WDR25: variants seen among roughly 807,000 people sequenced by gnomAD.
The protein encoded by WDR25 is WD repeat domain 25, also known as WD repeat-containing protein 25.
In WDR25, 35 loss-of-function variants were observed where a neutral mutation model predicts 47.7. The ratio of observed to expected loss-of-function variants is 0.73; its 90% CI spans 0.56 to 0.97. The LOEUF is 0.97. Among genes scored for constraint, WDR25 ranks in the 50% least tolerant of loss-of-function variants. The pLI is 0.00. For missense variants in WDR25, 634 were observed against 704.7 expected, an observed-to-expected ratio of 0.90 and a Z score of 1.14; for synonymous variants, 248 against 278.9, an observed-to-expected ratio of 0.89 and a Z score of 1.10.
intron 3 of WDR25, chr14:100,481,007 A>AGACT (rs1900178666): frequency 6.9e-6 from 3 of 437,572 alleles, no homozygotes; most frequent in Non-Finnish European, 1.4e-5. Flanking sequence ...GCCCAAGAGG[A>AGACT]GACTGGTGCA....
chr14:100,433,137 A>G (rs1246773988), intron 2 of WDR25, among the ~76,000 whole-genome samples: 1 of 152,242 alleles, frequency 6.6e-6, no homozygotes, highest in African/African-American at 2.4e-5. Context: ...TATTTTGTCA[A>G]CTGTCCCAAA....
chr14:100,414,124 T>C (rs1449579501), intron 2 of WDR25, among the ~76,000 whole-genome samples: 1 of 151,326 alleles, frequency 6.6e-6, no homozygotes, highest in Non-Finnish European at 1.5e-5. Context: ...GCCTCCCTAG[T>C]AGCTGGGACT....
chr14:100,441,606 G>T (rs547093000), intron 2 of WDR25, among the ~76,000 whole-genome samples: 1 of 152,284 alleles, frequency 6.6e-6, no homozygotes, highest in Admixed American at 6.5e-5. Context: ...ATGGGCTGGG[G>T]GCCACATGGA....
At chr14:100,379,379 T>TC (rs1476142320) in intron 1 of WDR25, among the ~76,000 whole-genome samples, 1 of 147,150 alleles carries the variant, frequency 6.8e-6, no homozygotes, top group Non-Finnish European at 1.5e-5. Context: ...CTTCAGGTCT[T>TC]CTTTTTTTTT....
intron 2 of WDR25, among the ~76,000 whole-genome samples, chr14:100,427,210 A>G (rs1182126035): frequency 1.3e-5 from 2 of 149,406 alleles, no homozygotes; most frequent in Admixed American, 1.3e-4. Context: ...CCTTCCTCCT[A>G]CTCTCTTCTT....
At chr14:100,476,463 C>T (rs915905078) in intron 3 of WDR25, 1 of 152,194 alleles carries the variant, frequency 6.6e-6, no homozygotes, top group Non-Finnish European at 1.5e-5. Flanking sequence ...GCTCAATTAC[C>T]ACAAGCCAAC....
chr14:100,436,347 C>A (rs546109037), intron 2 of WDR25, among the ~76,000 whole-genome samples: 23 of 152,180 alleles, frequency 1.5e-4, no homozygotes. Flanking sequence ...CATACTTAGA[C>A]TTTGCTTGTA....
At position 100,397,878 on chromosome 14, in the gene WDR25, G is replaced by A. The variant is rs1166737004; in HGVS notation, c.822+16132G>A. Among the ~76,000 whole-genome samples the A allele has an allele frequency of 2.6e-5, 4 of 152,174 alleles. 1 individual carries two copies. Among genetic ancestry groups the A allele is most frequent in the South Asian group, 4.1e-4 (2 of 4,828 alleles). Reference sequence around the variant, plus strand: ...TTTTGAGACGGAGTCTTGCTCTGTCGCCTAGGCTGGAGTGCAGTGGTGTGG... The same window carrying A: ...TTTTGAGACGGAGTCTTGCTCTGTCACCTAGGCTGGAGTGCAGTGGTGTGG... On this transcript the variant is annotated intron_variant, in intron 2 of 6. Transcript: ENST00000402312.
intron 2 of WDR25, chr14:100,454,486 AC>A (rs1168921626): frequency 8.0e-7 from 1 of 1,256,658 alleles, no homozygotes; most frequent in Admixed American, 2.3e-5. Context: ...TGGCAGACTA[AC>A]CCTCCCACAG....
intron 2 of WDR25, among the ~76,000 whole-genome samples, chr14:100,398,209 T>C (rs1416787388): frequency 6.6e-6 from 1 of 152,218 alleles, no homozygotes; most frequent in Non-Finnish European, 1.5e-5. Flanking sequence ...GTGCATTCCA[T>C]TTCCGCCTGA....
At chr14:100,528,721 A>G (rs1244440355) in intron 5 of WDR25, among the ~76,000 whole-genome samples, 1 of 152,094 alleles carries the variant, frequency 6.6e-6, no homozygotes, top group Admixed American at 6.5e-5. Context: ...GAACATGGGT[A>G]TATTTTGGGG....
At position 100,381,551 on chromosome 14, in the gene WDR25, C is replaced by T. The variant is rs1235134766; in HGVS notation, c.627C>T (p.Ala209=). Residue 209 remains alanine (A), a synonymous_variant, in exon 2 of 7, where the codon GCC becomes GCT. Transcript: ENST00000402312. ...GGCCCCCTGCAGGGCGTGCCCCAGC[C>T]CCTCTCTACGTGGGCCCGGGAGTGT... ...PQGPPAGRAP[A]PLYVGPGVSE... The T allele has an allele frequency of 6.2e-7, 1 of 1,613,882 alleles. No individual in the cohort carries two copies. Among genetic ancestry groups the T allele is most frequent in the African/African-American group, 1.3e-5 (1 of 74,902 alleles).
chr14:100,526,939 C>G (rs1566950399), intron 5 of WDR25, among the ~76,000 whole-genome samples: 1 of 54,142 alleles, frequency 1.8e-5, no homozygotes, highest in Non-Finnish European at 4.4e-5. Context: ...GTCATCACCA[C>G]CACACCATCT....
In WDR25 at chr14:100,381,409, G is replaced by C. The variant is rs757128917; in HGVS notation, c.485G>C (p.Ser162Thr). ...TCTGAAACCGTAGGTAAAAATGGCA[G>C]CTCTTTTCAGAAGAAAAAATGTGAG... ...SESETVGKNG[S>T]SFQKKKCEDC... Residue 162 changes from serine to threonine, a missense_variant, in exon 2 of 7, where the codon AGC (serine) becomes ACC (threonine). Coordinates refer to ENST00000402312, the MANE Select transcript of WDR25 (RefSeq NM_001161476.3). 2.5e-6 allele frequency: 4 copies of C among 1,614,218 alleles called. No homozygotes were observed. In the Admixed American group the frequency reaches 5.0e-5, roughly 20 times the overall value.
In WDR25 at chr14:100,529,191, C is replaced by T. The variant is rs1166594887; in HGVS notation, c.1396C>T (p.Arg466Cys). 2.4e-5 allele frequency: 38 copies of T among 1,613,344 alleles called. No individual in the cohort carries two copies. The highest frequency in any genetic ancestry group is 3.1e-5 in the Non-Finnish European group (36 of 1,179,720). ...GCCCTACCGGATGAGCAGACGGCGG[C>T]GCTATGAAGGGCACAAGGTACTTCT... ...VWPYRMSRRRRYEGHKVEGYS... is the reference protein window; with the variant it reads ...VWPYRMSRRRCYEGHKVEGYS... The change falls in exon 6 of 7, where the codon CGC (arginine) becomes TGC (cysteine). Residue 466 changes from arginine to cysteine, a missense_variant. Coordinates refer to ENST00000402312, the MANE Select transcript of WDR25 (RefSeq NM_001161476.3). The surrounding 1 kb of genome is among the most constrained non-coding windows in gnomAD (Gnocchi z 5.1).
chr14:100,488,991 G>T lies in WDR25; in HGVS notation c.1101+4867G>T, dbSNP rs1197722726. 6.6e-6 allele frequency among the ~76,000 whole-genome samples: 1 copy of T among 152,220 alleles called. No homozygotes were observed. Among genetic ancestry groups the T allele is most frequent in the Non-Finnish European group, 1.5e-5 (1 of 68,028 alleles). The stretch of plus-strand genomic sequence containing the variant: ...GATGGGGTCAGCCGCCACTGTCATT[G>T]TGATAGAGGCCTGCAGGAGCACCCA... On this transcript the variant is annotated intron_variant, in intron 4 of 6. Coordinates refer to ENST00000402312, the MANE Select transcript of WDR25 (RefSeq NM_001161476.3). The surrounding 1 kb of genome is among the most constrained non-coding windows in gnomAD (Gnocchi z 4.2).
Position 100,390,667 on chromosome 14 carries a change from G to T in WDR25, c.822+8921G>T, listed in dbSNP as rs1211203352. 3.9e-5 allele frequency among the ~76,000 whole-genome samples: 6 copies of T among 152,210 alleles called. No individual in the cohort carries two copies. In the East Asian group the frequency reaches 1.2e-3, roughly 29 times the overall value. ...TCAAGGTCTCTGTGTTTAGTGTGCAGACTGCACTCTCCATCCTGTCCTCCA... is the reference window on the plus strand; with the variant it reads ...TCAAGGTCTCTGTGTTTAGTGTGCATACTGCACTCTCCATCCTGTCCTCCA... On this transcript the variant is annotated intron_variant, in intron 2 of 6. Transcript: ENST00000402312.
intron 1 of WDR25, among the ~76,000 whole-genome samples, chr14:100,377,009 C>A (rs758602466): frequency 2.0e-5 from 3 of 152,236 alleles, no homozygotes; most frequent in Non-Finnish European, 4.4e-5. Flanking sequence ...CTTCCTTAGA[C>A]TCTTCTCCAG....
intron 2 of WDR25, among the ~76,000 whole-genome samples, chr14:100,426,566 G>A (rs924031627): frequency 3.3e-5 from 5 of 152,226 alleles, no homozygotes; most frequent in Admixed American, 1.3e-4. Flanking sequence ...CGTATTTTGC[G>A]CAGGATTGGA....
Sources: gnomAD v4.1 joint callset for allele counts (sites outside exome capture counted in the v4.1 genomes callset) on GRCh38, gnomAD v4.1.1 for gene constraint, Gnocchi (gnomAD v3.1) non-coding constraint, MANE v1.5 for transcripts, NCBI Gene and HGNC (gene_info 2026-07-23, HGNC 2026-07-21) for gene names.